The following LEKR1 variants were observed in gnomAD, a reference collection of about 807,000 sequenced individuals.
The protein encoded by LEKR1 is leucine, glutamate and lysine rich 1, also known as protein LEKR1.
Under a neutral mutation model 72.4 loss-of-function variants are expected in LEKR1, and 59 were observed. That is an observed-to-expected ratio of 0.82 (90% CI 0.66 to 1.01). LEKR1 has a LOEUF of 1.01. LEKR1 is among the 50% of genes least tolerant of loss of function. The probability of loss-of-function intolerance (pLI) is 0.00; values close to 1 mark genes in which losing one functional copy is unlikely to be tolerated. For synonymous variants in LEKR1, 257 were observed against 263.2 expected (o/e 0.98, Z 0.23); for missense variants, 728 against 759.2 (o/e 0.96, Z 0.48).
intron 2 of LEKR1, among the ~76,000 whole-genome samples, chr3:156,851,804 T>G (rs926016502): frequency 6.6e-6 from 1 of 152,146 alleles, no homozygotes; most frequent in Non-Finnish European, 1.5e-5. Context: ...AAATCTTGGA[T>G]AATCCAAGAG....
In LEKR1 at chr3:157,045,999, G is replaced by T; in HGVS notation, c.*249G>T. 2.3e-6 allele frequency: 1 copy of T among 444,070 alleles called. No individual in the cohort carries two copies. The highest frequency in any genetic ancestry group is 4.0e-6 in the Non-Finnish European group (1 of 251,012). 27.5% of individuals were successfully genotyped at this position (444,070 alleles called of 1,614,324 possible). A position where few individuals can be genotyped will look rare whatever the true frequency, so the allele number is the denominator to read the frequency against. The stretch of plus-strand genomic sequence containing the variant: ...CCAGAGGTCCGATTTCTATGTTTAT[G>T]TTGGAATGTGCTCTATGAATATAGC... On this transcript the variant is annotated 3_prime_UTR_variant, in exon 13 of 13. Transcript: ENST00000356539.
rs546360660 is a variant in LEKR1 at position 157,007,772 on chromosome 3, G to A, written c.1110-3641G>A. The stretch of plus-strand genomic sequence containing the variant: ...CTGGTACAAAATGTGGAGCAAGGAA[G>A]CAGATAACACATAATCCAAGAAAAA... On this transcript the variant is annotated intron_variant, in intron 9 of 12. Coordinates refer to ENST00000356539, the MANE Select transcript of LEKR1 (RefSeq NM_001004316.3). 7.9e-5 allele frequency among the ~76,000 whole-genome samples: 12 copies of A among 152,324 alleles called. No homozygotes were observed. The South Asian group carries it at 2.5e-3, about 32-fold the overall frequency.
intron 3 of LEKR1, among the ~76,000 whole-genome samples, chr3:156,900,558 A>C (rs967955975): frequency 9.2e-5 from 14 of 152,220 alleles, no homozygotes; most frequent in Admixed American, 6.5e-4. Flanking sequence ...TCTAAAAAAA[A>C]ATCACTTTAC....
intron 11 of LEKR1, 145 bp downstream of exon 11, chr3:157,025,069 C>A: frequency 1.9e-6 from 1 of 539,150 alleles, no homozygotes; most frequent in Non-Finnish European, 3.3e-6. Flanking sequence ...GCAGGTAAGA[C>A]GGTTTGGCTA....
chr3:156,944,732 T>A (rs954871827), intron 6 of LEKR1, among the ~76,000 whole-genome samples: 20 of 151,906 alleles, frequency 1.3e-4, no homozygotes, highest in African/African-American at 4.8e-4. Flanking sequence ...ATCTGTGTTG[T>A]TGCAAATGAT....
chr3:156,866,733 G>C (rs944842086), intron 3 of LEKR1, among the ~76,000 whole-genome samples: 3 of 151,976 alleles, frequency 2.0e-5, no homozygotes, highest in Admixed American at 6.6e-5. Context: ...CTGGATGGAT[G>C]GGTAGGTGGA....
At chr3:156,922,897 T>G in intron 4 of LEKR1, among the ~76,000 whole-genome samples, 1 of 152,346 alleles carries the variant, frequency 6.6e-6, no homozygotes, top group East Asian at 1.9e-4. Flanking sequence ...GTGAATCTTT[T>G]ATAAATTATT....
intron 12 of LEKR1, among the ~76,000 whole-genome samples, chr3:157,039,834 G>T (rs1577031364): frequency 6.6e-6 from 1 of 152,190 alleles, no homozygotes; most frequent in East Asian, 1.9e-4. Context: ...CCTTCTATGA[G>T]AATGGAGAAG....
chr3:156,841,611 TACA>T (rs1713916962), intron 2 of LEKR1, among the ~76,000 whole-genome samples: 1 of 152,330 alleles, frequency 6.6e-6, no homozygotes, highest in East Asian at 1.9e-4. Context: ...GATGCATTTA[TACA>T]ACAAGTATTT....
At chr3:156,840,091 T>C (rs1350105872) in intron 2 of LEKR1, among the ~76,000 whole-genome samples, 1 of 152,098 alleles carries the variant, frequency 6.6e-6, no homozygotes, top group East Asian at 1.9e-4. Flanking sequence ...ATATTTCCTC[T>C]TTCTTATGAT....
chr3:156,992,968 T>A, intron 8 of LEKR1, 106 bp from the exon 9 acceptor site: 1 of 601,722 alleles, frequency 1.7e-6, no homozygotes, highest in Non-Finnish European at 2.7e-6. Context: ...TTTTTAAAGT[T>A]ACAGTTATAA....
At chr3:157,041,164 G>A (rs1735314056) in intron 12 of LEKR1, among the ~76,000 whole-genome samples, 1 of 152,108 alleles carries the variant, frequency 6.6e-6, no homozygotes, top group African/African-American at 2.4e-5. Flanking sequence ...TTCTGAAAAT[G>A]TTGTAGTGAT....
intron 3 of LEKR1, among the ~76,000 whole-genome samples, chr3:156,913,363 T>C (rs1723295382): frequency 6.6e-6 from 1 of 152,196 alleles, no homozygotes. Context: ...TTAGATGTAT[T>C]CCTAGGTATT....
chr3:156,837,466 A>G (rs1370734324), intron 2 of LEKR1, among the ~76,000 whole-genome samples: 4 of 152,244 alleles, frequency 2.6e-5, no homozygotes, highest in Non-Finnish European at 5.9e-5. Flanking sequence ...ACGTAAAACA[A>G]GATGAGAAGG....
At chr3:156,999,714 G>A (rs149469469) in intron 9 of LEKR1, among the ~76,000 whole-genome samples, 256 of 152,218 alleles carry the variant, frequency 1.7e-3, no homozygotes, top group Non-Finnish European at 2.6e-3. Context: ...CGGAGGGAGC[G>A]CTTTTTCTAA....
At chr3:157,024,973 ATGT>A in intron 11 of LEKR1, 49 bp downstream of exon 11, 2 of 1,296,932 alleles carry the variant, frequency 1.5e-6, no homozygotes, top group Admixed American at 4.1e-5. Context: ...GAAACTGCAG[ATGT>A]TGTATATTTC....
Position 157,024,666 on chromosome 3 carries a change from C to T in LEKR1, c.1204-94C>T, listed in dbSNP as rs1291624256. 76 of 931,486 alleles carry T rather than the reference C, an allele frequency of 8.2e-5. 1 individual carries two copies. The highest frequency in any genetic ancestry group is 2.1e-5 in the Non-Finnish European group (13 of 618,298). 57.7% of individuals were successfully genotyped at this position (931,486 alleles called of 1,614,324 possible). ...AATAGTTTAATTAAAAATTTAATGT[C>T]AGAACATTTTAAAACTTAGAGTTTG... On this transcript the variant is annotated intron_variant, in intron 10 of 12. Coordinates refer to ENST00000356539, the MANE Select transcript of LEKR1 (RefSeq NM_001004316.3).
chr3:156,839,893 G>A (rs1713673452), intron 2 of LEKR1, among the ~76,000 whole-genome samples: 1 of 152,150 alleles, frequency 6.6e-6, no homozygotes, highest in South Asian at 2.1e-4. Flanking sequence ...TTCGACAGAA[G>A]TTATGACATA....
intron 6 of LEKR1, among the ~76,000 whole-genome samples, chr3:156,970,110 T>C (rs1729022002): frequency 6.6e-6 from 1 of 152,198 alleles, no homozygotes; most frequent in African/African-American, 2.4e-5. Context: ...TAGGTATTGA[T>C]GGGACATATC....
Sources: allele counts gnomAD v4.1 joint callset (sites outside exome capture counted in the v4.1 genomes callset), GRCh38; gene constraint gnomAD v4.1.1; transcripts MANE v1.5; gene names NCBI Gene and HGNC (gene_info 2026-07-23, HGNC 2026-07-21).